The following MYH14 variants were observed in gnomAD, a reference collection of about 807,000 sequenced individuals.
MYH14 encodes myosin-14.
Under a neutral mutation model 255.5 loss-of-function variants are expected in MYH14, and 123 were observed. That is an observed-to-expected ratio of 0.48 (90% CI 0.42 to 0.56). The LOEUF is 0.56. MYH14 is among the 20% of genes least tolerant of loss of function. The pLI, the probability that MYH14 is intolerant of heterozygous loss-of-function variation, is 0.00. For missense variants in MYH14, 2,423 were observed against 2,802.3 expected (o/e 0.86, Z 3.06); for synonymous variants, 1,095 against 1,161.2 (o/e 0.94, Z 1.16).
In MYH14 at chr19:50,250,646, G is replaced by A. The variant is rs2034335182; in HGVS notation, c.1788G>A (p.Leu596=). ...GHPKFQRPRH[L]RDQADFSVLH... is the part of the protein sequence containing the mutation. ...CCAAGTTCCAGCGGCCGAGGCACCT[G>A]CGGGATCAGGCCGACTTCAGTGTTC... is the stretch of plus-strand genomic sequence containing the variant. Residue 596 remains leucine, a synonymous_variant, in exon 15 of 43, where the codon CTG becomes CTA. Coordinates refer to ENST00000642316, the MANE Select transcript of MYH14 (RefSeq NM_001145809.2). This position sits in a 1 kb window ranked among gnomAD's most constrained non-coding sequence, Gnocchi z 5.4. 6.2e-7 allele frequency: 1 copy of A among 1,613,858 alleles called. No homozygotes were observed. The highest frequency in any genetic ancestry group is 1.3e-5 in the African/African-American group (1 of 74,952).
Position 50,217,913 on chromosome 19 carries a change from AC to A in MYH14, c.562+143del, listed in dbSNP as rs1443068692. On this transcript the variant is annotated intron_variant, in intron 3 of 42. Coordinates refer to ENST00000642316, the MANE Select transcript of MYH14 (RefSeq NM_001145809.2). ...GGCTTCTTAGGGGGCTGGAGGGAGC[AC>A]AAGTAGAGGCCTGAGTGGGTGAGGT... The A allele has an allele frequency of 6.8e-5, 66 of 963,862 alleles. No individual in the cohort carries two copies. The African/African-American group carries it at 9.6e-4, about 14-fold the overall frequency. 59.7% of individuals were successfully genotyped at this position (963,862 alleles called of 1,614,324 possible).
chr19:50,281,903 C>T (rs1447889937), intron 33 of MYH14, 61 bp downstream of exon 33: 7 of 1,549,864 alleles, frequency 4.5e-6, no homozygotes, highest in Non-Finnish European at 6.2e-6. Context: ...TTCCCATGGT[C>T]GTTGTGAGGA....
rs1050519842 is a variant in MYH14, at chr19:50,290,977, G to C, written c.5056G>C (p.Glu1686Gln). The change falls in exon 36 of 43, where the codon GAG becomes CAG. Residue 1686 changes from glutamate to glutamine, a missense_variant. Around this residue, in one of 3 missense-constraint regions of MYH14, gnomAD observed 1,513 missense variants for 1,674.8 expected, o/e 0.90. Coordinates refer to ENST00000642316, the MANE Select transcript of MYH14 (RefSeq NM_001145809.2). The part of the protein sequence containing the change: ...ARKKLEGELE[E>Q]LKAQMASAGQ... ...CAAGAAGCTGGAGGGAGAGCTGGAG[G>C]AGCTGAAGGCTCAGATGGCCTCTGC... 2 of 1,609,098 alleles carry C rather than the reference G, an allele frequency of 1.2e-6. No homozygotes were observed. Among genetic ancestry groups the C allele is most frequent in the African/African-American group, 2.7e-5 (2 of 74,884 alleles).
At chr19:50,249,594 C>CTCTGGGTCTCTGTCCCCTGTA in intron 13 of MYH14, 56 bp from the exon 14 acceptor site, 1 of 1,609,058 alleles carries the variant, frequency 6.2e-7, no homozygotes, top group Non-Finnish European at 8.5e-7. Flanking sequence ...TGTCCCCTGT[C>CTCTGGGTCTCTGTCCCCTGTA]TCTGGGTCTC....
intron 3 of MYH14, among the ~76,000 whole-genome samples, chr19:50,219,017 T>TA (rs2032654233): frequency 6.8e-6 from 1 of 148,044 alleles, no homozygotes; most frequent in Non-Finnish European, 1.5e-5. Flanking sequence ...TATATATTTT[T>TA]TATATATACA....
At chr19:50,218,100 G>A (rs2032588206) in intron 3 of MYH14, among the ~76,000 whole-genome samples, 1 of 151,878 alleles carries the variant, frequency 6.6e-6, no homozygotes, top group Admixed American at 6.6e-5. Flanking sequence ...GGGCTCAAGC[G>A]ATTCTCGTGC....
chr19:50,294,018 T>G (rs1044261966), intron 39 of MYH14, among the ~76,000 whole-genome samples: 4 of 150,654 alleles, frequency 2.7e-5, no homozygotes, highest in Non-Finnish European at 4.4e-5. Flanking sequence ...TGGCTGGGGG[T>G]TTTAAAGCAT....
At chr19:50,234,288 G>T (rs143039840) in intron 10 of MYH14, among the ~76,000 whole-genome samples, 1 of 152,164 alleles carries the variant, frequency 6.6e-6, no homozygotes, top group Non-Finnish European at 1.5e-5. Context: ...GTGGACCTCC[G>T]CCTTTTCAGA....
chr19:50,268,350 C>T lies in MYH14; in HGVS notation c.3016C>T (p.Leu1006=), dbSNP rs1283289256. Residue 1006 remains leucine (L), a synonymous_variant, in exon 24 of 43, where the codon CTG becomes TTG. Coordinates refer to ENST00000642316, the MANE Select transcript of MYH14 (RefSeq NM_001145809.2). ...SRQMQTEKKR[L]QQHIQELEAH... is the part of the protein sequence containing the mutation. ...TCAAATGCAAACCGAGAAGAAGAGG[C>T]TGCAGCAGCACATACAGGTCTGGCC... 1 of 1,578,572 alleles carries T rather than the reference C, an allele frequency of 6.3e-7. No individual in the cohort carries two copies. Among genetic ancestry groups the T allele is most frequent in the Admixed American group, 1.8e-5 (1 of 55,048 alleles).
rs1268540289 is a variant in MYH14, at chr19:50,230,069, C to G, written c.875-456C>G. Reference sequence around the variant, plus strand: ...AGCTGAGATTACAGGCACCCGCGATCACACCTATAATTTTTGTATTTTTAG... The same window carrying G: ...AGCTGAGATTACAGGCACCCGCGATGACACCTATAATTTTTGTATTTTTAG... On this transcript the variant is annotated intron_variant, in intron 8 of 42. Transcript: ENST00000642316. The surrounding 1 kb of genome is among the most constrained non-coding windows in gnomAD (Gnocchi z 4.7). 6.6e-6 allele frequency among the ~76,000 whole-genome samples: 1 copy of G among 152,154 alleles called. No homozygotes were observed. The highest frequency in any genetic ancestry group is 1.5e-5 in the Non-Finnish European group (1 of 68,030).
intron 1 of MYH14, among the ~76,000 whole-genome samples, chr19:50,208,905 G>C (rs905992110): frequency 1.3e-5 from 2 of 152,060 alleles, no homozygotes; most frequent in Non-Finnish European, 2.9e-5. Context: ...TGTAATCCCA[G>C]TACTTTGGGG....
intron 1 of MYH14, among the ~76,000 whole-genome samples, chr19:50,203,990 G>A (rs976505249): frequency 2.0e-5 from 3 of 152,054 alleles, no homozygotes; most frequent in Admixed American, 2.0e-4. Flanking sequence ...TTTAATACCT[G>A]AGTCATCGCC....
chr19:50,272,007 T>C (rs1278693756), intron 26 of MYH14, 35 bp downstream of exon 26: 1 of 1,597,724 alleles, frequency 6.3e-7, no homozygotes, highest in Non-Finnish European at 8.5e-7. Flanking sequence ...GGTCTGTGTG[T>C]GCTCTAATGG....
In MYH14 at chr19:50,280,042, A is replaced by T; in HGVS notation, c.4038A>T (p.Glu1346Asp). ...AAEKLQRAQA[E>D]LENVSGALNE... ...TTCCCGTCCCTTCCCTGCAGGCTGA[A>T]CTGGAGAATGTGTCTGGGGCGCTGA... is the stretch of plus-strand genomic sequence containing the variant. Residue 1346 changes from glutamate to aspartate, a missense_variant, in exon 31 of 43, where the codon GAA (glutamate) becomes GAT (aspartate). Coordinates refer to ENST00000642316, the MANE Select transcript of MYH14 (RefSeq NM_001145809.2). The surrounding 1 kb of genome is among the most constrained non-coding windows in gnomAD (Gnocchi z 4.8). 1 of 1,607,692 alleles carries T rather than the reference A, an allele frequency of 6.2e-7. No homozygotes were observed. Among genetic ancestry groups the T allele is most frequent in the Non-Finnish European group, 8.5e-7 (1 of 1,177,124 alleles).
intron 6 of MYH14, among the ~76,000 whole-genome samples, chr19:50,224,445 C>T (rs1041497820): frequency 3.9e-5 from 6 of 152,220 alleles, no homozygotes; most frequent in East Asian, 1.9e-4. Flanking sequence ...ACAGATGCTG[C>T]GTGCACACAA....
chr19:50,244,558 A>G (rs1191167882), intron 11 of MYH14, among the ~76,000 whole-genome samples: 1 of 140,494 alleles, frequency 7.1e-6, no homozygotes, highest in Non-Finnish European at 1.5e-5. Flanking sequence ...ATCTCAGCTC[A>G]CTGCAAGCTC....
At position 50,233,838 on chromosome 19, in the gene MYH14, T is replaced by TG. The variant is rs1201652500; in HGVS notation, c.1114+1769dup. On this transcript the variant is annotated intron_variant, in intron 10 of 42. Transcript: ENST00000642316. ...CCCGACCCCCCCGCCCCAACCTTTT[T>TG]GTTTTTTTGAGACGGAGTCTTGCTG... Among the ~76,000 whole-genome samples, 81 of 32,718 alleles carry TG rather than the reference T, an allele frequency of 2.5e-3. 1 individual carries two copies. Among genetic ancestry groups the TG allele is most frequent in the African/African-American group, 9.3e-3 (79 of 8,478 alleles). The allele number at this position is 32,718 out of a possible 152,430, so 21.5% of individuals were successfully genotyped here. A position where few individuals can be genotyped will look rare whatever the true frequency, so the allele number is the denominator to read the frequency against.
chr19:50,285,134 G>A (rs532357157), intron 33 of MYH14: 2 of 152,012 alleles, frequency 1.3e-5, no homozygotes, highest in East Asian at 3.9e-4. Context: ...GACTTCAGGC[G>A]ATCTGCCTGC....
rs758998972 is a variant in MYH14, at chr19:50,230,811, C to T, written c.973+188C>T. 5.1e-6 allele frequency: 3 copies of T among 594,006 alleles called. No homozygotes were observed. Among genetic ancestry groups the T allele is most frequent in the Non-Finnish European group, 9.0e-6 (3 of 333,086 alleles). The allele number at this position is 594,006 out of a possible 1,614,324, so 36.8% of individuals were successfully genotyped here. A position where few individuals can be genotyped will look rare whatever the true frequency, so the allele number is the denominator to read the frequency against. ...GTCTGTCGCACGGTGGGTTCTGCTG[C>T]GCTCTGGTTCCAGCTCTGTCCCGGG... is the stretch of plus-strand genomic sequence containing the variant. On this transcript the variant is annotated intron_variant, in intron 9 of 42. Coordinates refer to ENST00000642316, the MANE Select transcript of MYH14 (RefSeq NM_001145809.2). The surrounding 1 kb of genome is among the most constrained non-coding windows in gnomAD (Gnocchi z 4.7).
Sources: allele counts gnomAD v4.1 joint callset (sites outside exome capture counted in the v4.1 genomes callset), GRCh38; gene constraint gnomAD v4.1.1; regional missense constraint gnomAD v4.1.1; non-coding constraint Gnocchi (gnomAD v3.1); transcripts MANE v1.5; gene names NCBI Gene and HGNC (gene_info 2026-07-23, HGNC 2026-07-21).